The following GRM3 variants were observed in gnomAD, a reference collection of about 807,000 sequenced individuals.
GRM3 encodes metabotropic glutamate receptor 3.
Under a neutral mutation model 70.5 loss-of-function variants are expected in GRM3, and 26 were observed. That is an observed-to-expected ratio of 0.37 (90% CI 0.27 to 0.51). The LOEUF is 0.51. Among genes scored for constraint, GRM3 ranks in the 20% least tolerant of loss-of-function variants. The pLI is 0.93. For synonymous variants in GRM3, 443 were observed against 434.9 expected, an observed-to-expected ratio of 1.02 and a Z score of -0.23; for missense variants, 859 against 1,123.8, an observed-to-expected ratio of 0.76 and a Z score of 3.37.
At chr7:86,767,294 A>C (rs886957321) in intron 2 of GRM3, among the ~76,000 whole-genome samples, 1 of 151,798 alleles carries the variant, frequency 6.6e-6, no homozygotes, top group Admixed American at 6.6e-5. Context: ...GTGGTTCTCT[A>C]TGAGCTATTT....
At chr7:86,744,252 A>ACAGAAAGC (rs1796052922) in intron 1 of GRM3, among the ~76,000 whole-genome samples, 4 of 152,030 alleles carry the variant, frequency 2.6e-5, no homozygotes, top group Non-Finnish European at 5.9e-5. Flanking sequence ...GAAGCTTTAC[A>ACAGAAAGC]TGAAAGAGTG....
chr7:86,766,762 C>G (rs1031882950), intron 2 of GRM3, among the ~76,000 whole-genome samples: 1 of 152,156 alleles, frequency 6.6e-6, no homozygotes, highest in Non-Finnish European at 1.5e-5. Flanking sequence ...GAGTCATACA[C>G]TTTGCCTCCC....
intron 1 of GRM3, among the ~76,000 whole-genome samples, chr7:86,697,505 C>T (rs1273514821): frequency 1.3e-5 from 2 of 151,940 alleles, no homozygotes; most frequent in Non-Finnish European, 2.9e-5. Context: ...GAGAGAATTA[C>T]GAAAAACAGA....
At chr7:86,831,664 A>C (rs886342788) in intron 3 of GRM3, among the ~76,000 whole-genome samples, 1 of 152,036 alleles carries the variant, frequency 6.6e-6, no homozygotes, top group African/African-American at 2.4e-5. Flanking sequence ...AGTTGCCTAG[A>C]GTATTGACAA....
At chr7:86,856,755 T>C (rs1211172392) in intron 5 of GRM3, among the ~76,000 whole-genome samples, 1 of 152,202 alleles carries the variant, frequency 6.6e-6, no homozygotes, top group Non-Finnish European at 1.5e-5. Context: ...CTTTCTTCTA[T>C]GTAACACTTT....
chr7:86,666,350 A>G (rs1794026024), intron 1 of GRM3, among the ~76,000 whole-genome samples: 1 of 152,056 alleles, frequency 6.6e-6, no homozygotes, highest in Non-Finnish European at 1.5e-5. Context: ...ACAGCCAAAA[A>G]CTTGACTTCA....
At chr7:86,719,529 CA>C (rs1324642979) in intron 1 of GRM3, among the ~76,000 whole-genome samples, 1 of 151,966 alleles carries the variant, frequency 6.6e-6, no homozygotes, top group East Asian at 1.9e-4. Context: ...TAATAGAACA[CA>C]ATGGATTAAG....
intron 1 of GRM3, among the ~76,000 whole-genome samples, chr7:86,721,468 G>T (rs2116229042): frequency 6.6e-6 from 1 of 152,086 alleles, no homozygotes; most frequent in African/African-American, 2.4e-5. Flanking sequence ...TTCTTCCATG[G>T]AAAGAATAAC....
intron 1 of GRM3, among the ~76,000 whole-genome samples, chr7:86,751,947 T>TA (rs1037410810): frequency 6.6e-6 from 1 of 152,152 alleles, no homozygotes; most frequent in Non-Finnish European, 1.5e-5. Context: ...CTGTCATTTT[T>TA]AAAAAATGCA....
intron 3 of GRM3, among the ~76,000 whole-genome samples, chr7:86,794,948 C>T (rs1797512518): frequency 6.6e-6 from 1 of 150,680 alleles, no homozygotes; most frequent in African/African-American, 2.4e-5. Flanking sequence ...AATAACATCT[C>T]AACCACCAAC....
At chr7:86,741,375 T>A (rs534312503) in intron 1 of GRM3, among the ~76,000 whole-genome samples, 179 of 152,330 alleles carry the variant, frequency 1.2e-3, no homozygotes, top group African/African-American at 4.1e-3. Flanking sequence ...AACCTCCACA[T>A]GGCAACTTTA....
chr7:86,657,734 A>G (rs1393218875), intron 1 of GRM3, among the ~76,000 whole-genome samples: 3 of 152,182 alleles, frequency 2.0e-5, no homozygotes, highest in Non-Finnish European at 4.4e-5. Context: ...GCAACAGTCC[A>G]GGTGAGAGGT....
chr7:86,863,526 G>A (rs1798997639), intron 5 of GRM3, among the ~76,000 whole-genome samples: 1 of 152,130 alleles, frequency 6.6e-6, no homozygotes, highest in South Asian at 2.1e-4. Context: ...CCATCCCTTT[G>A]GAATATCTTT....
chr7:86,767,361 G>C (rs1227419624), intron 2 of GRM3, among the ~76,000 whole-genome samples: 4 of 151,086 alleles, frequency 2.6e-5, no homozygotes, highest in African/African-American at 4.9e-5. Context: ...TAGGATAACT[G>C]GTTTTAAATA....
At chr7:86,779,439 C>A (rs1338508506) in intron 2 of GRM3, among the ~76,000 whole-genome samples, 2 of 152,148 alleles carry the variant, frequency 1.3e-5, no homozygotes, top group African/African-American at 4.8e-5. Context: ...CACACACACA[C>A]AAACCCATCA....
chr7:86,675,780 T>A (rs950675551), intron 1 of GRM3, among the ~76,000 whole-genome samples: 3 of 152,092 alleles, frequency 2.0e-5, no homozygotes, highest in Admixed American at 6.6e-5. Flanking sequence ...AAAAGAAGCA[T>A]TGCATGTATT....
chr7:86,685,724 G>C (rs1468836818), intron 1 of GRM3, among the ~76,000 whole-genome samples: 1 of 152,008 alleles, frequency 6.6e-6, no homozygotes, highest in Non-Finnish European at 1.5e-5. Flanking sequence ...GGACAACAGG[G>C]TGAAACCCCT....
At chr7:86,738,702 C>G (rs1402706567) in intron 1 of GRM3, among the ~76,000 whole-genome samples, 1 of 152,064 alleles carries the variant, frequency 6.6e-6, no homozygotes, top group African/African-American at 2.4e-5. Flanking sequence ...TTTTTAACTG[C>G]TACTGACTTG....
At chr7:86,694,233 T>C (rs752479239) in intron 1 of GRM3, among the ~76,000 whole-genome samples, 5 of 151,958 alleles carry the variant, frequency 3.3e-5, no homozygotes, top group African/African-American at 4.8e-5. Flanking sequence ...TTCTTAAAAA[T>C]CAAAGAGAAA....
Sources: allele counts gnomAD v4.1 joint callset (sites outside exome capture counted in the v4.1 genomes callset), GRCh38; gene constraint gnomAD v4.1.1; transcripts MANE v1.5; gene names NCBI Gene and HGNC (gene_info 2026-07-23, HGNC 2026-07-21).